The following CTNNA3 variants were observed in gnomAD, a reference collection of about 807,000 sequenced individuals.
CTNNA3 encodes catenin alpha-3.
A neutral mutation model predicts 95.7 loss-of-function variants in CTNNA3; 76 were observed. The observed-to-expected ratio is 0.79, with a 90% confidence interval of 0.66 to 0.96. CTNNA3 has a LOEUF of 0.96. Ranked by LOEUF, CTNNA3 falls within the 40% of genes least tolerant of loss-of-function variation. CTNNA3 has a pLI of 0.00. For missense variants in CTNNA3, 1,191 were observed against 1,089.8 expected (o/e 1.09, Z -1.31); for synonymous variants, 431 against 374.4 (o/e 1.15, Z -1.74).
chr10:66,072,018 G>T (rs1366785155), intron 14 of CTNNA3, among the ~76,000 whole-genome samples: 4 of 152,140 alleles, frequency 2.6e-5, no homozygotes, highest in African/African-American at 9.7e-5. Flanking sequence ...ATGCTTTGCA[G>T]CTCACACCAT....
At chr10:67,677,906 A>T (rs1268126892) in intron 1 of CTNNA3, among the ~76,000 whole-genome samples, 1 of 152,172 alleles carries the variant, frequency 6.6e-6, no homozygotes, top group Non-Finnish European at 1.5e-5. Context: ...CTCCAAGTAG[A>T]GGAACAAATA....
chr10:67,386,556 G>GA (rs1233891330), intron 5 of CTNNA3, among the ~76,000 whole-genome samples: 2 of 151,588 alleles, frequency 1.3e-5, no homozygotes, highest in African/African-American at 4.8e-5. Context: ...AACATCAGCA[G>GA]AAAAAAAGAC....
intron 11 of CTNNA3, among the ~76,000 whole-genome samples, chr10:66,502,146 G>T (rs1840298181): frequency 6.6e-6 from 1 of 152,124 alleles, no homozygotes; most frequent in Admixed American, 6.6e-5. Flanking sequence ...GACCCTGGGT[G>T]ATAAAGGTTT....
intron 7 of CTNNA3, among the ~76,000 whole-genome samples, chr10:66,787,814 T>G (rs894652475): frequency 6.6e-6 from 1 of 152,216 alleles, no homozygotes; most frequent in Admixed American, 6.5e-5. Context: ...ATTTAGTGAG[T>G]GATTCTTCTA....
chr10:66,513,791 A>G (rs545753888), intron 11 of CTNNA3, among the ~76,000 whole-genome samples: 1 of 152,238 alleles, frequency 6.6e-6, no homozygotes, highest in African/African-American at 2.4e-5. Context: ...AGGCTCTTGG[A>G]AGCATGTGCT....
chr10:67,750,449 G>A (rs1300336864), intron 1 of CTNNA3: 13 of 1,500,386 alleles, frequency 8.7e-6, no homozygotes, highest in East Asian at 2.3e-5. Flanking sequence ...ACATGAGGTG[G>A]GGGAAGCCAT....
At chr10:67,278,363 T>G (rs1489538798) in intron 5 of CTNNA3, among the ~76,000 whole-genome samples, 1 of 152,118 alleles carries the variant, frequency 6.6e-6, no homozygotes, top group Non-Finnish European at 1.5e-5. Flanking sequence ...GTTTTATATA[T>G]TTTGGGGAGG....
chr10:66,008,359 A>G lies in CTNNA3; in HGVS notation c.2160-19562T>C, dbSNP rs145693023. 2.0e-5 allele frequency among the ~76,000 whole-genome samples: 3 copies of G among 152,346 alleles called. No individual in the cohort carries two copies. The East Asian group carries it at 5.8e-4, about 29-fold the overall frequency. On this transcript the variant is annotated intron_variant, in intron 15 of 17. Coordinates refer to ENST00000433211, the MANE Select transcript of CTNNA3 (RefSeq NM_013266.4). ...TTCTTTGCCACTTAATTGGAAAAAA[A>G]TATGACATTTTCCCAGAAGACTGAA...
At chr10:66,520,026 A>T (rs777369937) in intron 11 of CTNNA3, among the ~76,000 whole-genome samples, 3 of 151,996 alleles carry the variant, frequency 2.0e-5, no homozygotes, top group Non-Finnish European at 2.9e-5. Flanking sequence ...GATTCTAGGT[A>T]TTATTTTCTA....
At chr10:67,342,270 T>A (rs1282822513) in intron 5 of CTNNA3, among the ~76,000 whole-genome samples, 8 of 151,610 alleles carry the variant, frequency 5.3e-5, no homozygotes, top group Admixed American at 4.6e-4. Context: ...CCCGGCTAAT[T>A]TTTTGTATTT....
chr10:67,238,705 A>C (rs1232112333), intron 5 of CTNNA3, among the ~76,000 whole-genome samples: 1 of 151,196 alleles, frequency 6.6e-6, no homozygotes, highest in Non-Finnish European at 1.5e-5. Context: ...CGAACTTGAT[A>C]ACTTGTTAAT....
chr10:67,373,798 G>A (rs1843580882), intron 5 of CTNNA3, among the ~76,000 whole-genome samples: 1 of 152,144 alleles, frequency 6.6e-6, no homozygotes, highest in Admixed American at 6.6e-5. Context: ...ACATAATTTT[G>A]ATTACCCTGA....
intron 5 of CTNNA3, among the ~76,000 whole-genome samples, chr10:67,488,688 T>TTTTTTTG (rs769875749): frequency 6.7e-6 from 1 of 150,096 alleles, no homozygotes; most frequent in Non-Finnish European, 1.5e-5. Context: ...TTTTTTTTTT[T>TTTTTTTG]GAGACAAAGT....
At chr10:66,143,677 C>T (rs1046662128) in intron 13 of CTNNA3, among the ~76,000 whole-genome samples, 2 of 152,094 alleles carry the variant, frequency 1.3e-5, no homozygotes, top group Admixed American at 6.6e-5. Flanking sequence ...AGAAGAAGTT[C>T]TGAGGATGAG....
At chr10:66,504,563 C>T (rs572262932) in intron 11 of CTNNA3, among the ~76,000 whole-genome samples, 10 of 152,292 alleles carry the variant, frequency 6.6e-5, no homozygotes, top group African/African-American at 2.4e-4. Context: ...TGCCCAGGAA[C>T]ATGTCTTGGG....
At chr10:67,019,613 A>T (rs1184057925) in intron 7 of CTNNA3, among the ~76,000 whole-genome samples, 1 of 152,240 alleles carries the variant, frequency 6.6e-6, no homozygotes, top group Non-Finnish European at 1.5e-5. Flanking sequence ...AAAGAGGTTG[A>T]GTAATTTGTT....
chr10:67,531,445 G>A (rs947686395), intron 4 of CTNNA3, among the ~76,000 whole-genome samples: 2 of 152,192 alleles, frequency 1.3e-5, no homozygotes, highest in Non-Finnish European at 2.9e-5. Context: ...TTTAAGATTT[G>A]ACTGCCCTGA....
intron 11 of CTNNA3, among the ~76,000 whole-genome samples, chr10:66,487,372 T>G (rs1348382408): frequency 6.6e-6 from 1 of 151,734 alleles, no homozygotes; most frequent in Non-Finnish European, 1.5e-5. Context: ...CGGCTAATTT[T>G]TTGTATTTTT....
intron 14 of CTNNA3, among the ~76,000 whole-genome samples, chr10:66,096,682 C>T (rs912566583): frequency 6.6e-6 from 1 of 151,912 alleles, no homozygotes; most frequent in African/African-American, 2.4e-5. Flanking sequence ...CATTGCCATG[C>T]CCAGCTAATT....
Sources: gnomAD v4.1 joint callset for allele counts (sites outside exome capture counted in the v4.1 genomes callset) on GRCh38, gnomAD v4.1.1 for gene constraint, MANE v1.5 for transcripts, NCBI Gene and HGNC (gene_info 2026-07-23, HGNC 2026-07-21) for gene names.